The following MATK variants were observed in gnomAD, a reference collection of about 807,000 sequenced individuals.
MATK encodes the protein megakaryocyte-associated tyrosine-protein kinase.
MATK carries 41 observed loss-of-function variants against 59.8 expected under a neutral mutation model. The observed-to-expected ratio is 0.69, with a 90% CI of 0.53 to 0.89. The LOEUF (loss-of-function observed/expected upper bound fraction) is 0.89. Ranked by LOEUF, MATK falls within the 40% of genes least tolerant of loss-of-function variation. The probability of loss-of-function intolerance (pLI) is 0.00; values close to 1 mark genes in which losing one functional copy is unlikely to be tolerated. For synonymous variants in MATK, 308 were observed against 306.1 expected (o/e 1.01, Z -0.06); for missense variants, 593 against 719.6 (o/e 0.82, Z 2.01).
chr19:3,779,170 A>G lies in MATK; in HGVS notation c.1019T>C (p.Met340Thr). ...LQFSLHVAEG[M>T]EYLESKKLVH... ...AAGCTTCTTGCTCTCCAGGTACTCC[A>G]TGCCCTCGGCCACGTGCCTGGGGGT... Residue 340 changes from methionine to threonine, a missense_variant, in exon 12 of 14, where the codon ATG (methionine) becomes ACG (threonine). By Grantham distance (81) the Met-to-Thr change is moderately conservative. Transcript: ENST00000310132. 1.3e-6 allele frequency: 2 copies of G among 1,595,936 alleles called. No homozygotes were observed. The highest frequency in any genetic ancestry group is 2.2e-5 in the East Asian group (1 of 44,484).
Position 3,779,396 on chromosome 19 carries a change from T to A in MATK, c.983A>T (p.Gln328Leu), listed in dbSNP as rs2037365044. The A allele has an allele frequency of 3.1e-6, 5 of 1,613,196 alleles. No homozygotes were observed. In the Admixed American group the frequency reaches 5.0e-5, roughly 16 times the overall value. Residue 328 changes from glutamine (Q) to leucine (L), a missense_variant, in exon 11 of 14, where the codon CAG becomes CTG. By Grantham distance (113) the Gln-to-Leu change is moderately radical. Coordinates refer to ENST00000310132, the MANE Select transcript of MATK (RefSeq NM_139355.3). ...CACTTACAGAGAAAACTGCAGGAGC[T>A]GAGCGGTGTTCACGAGGGCTCGACC... ...TRGRALVNTA[Q>L]LLQFSLHVAE...
In MATK at chr19:3,779,119, T is replaced by G; in HGVS notation, c.1070A>C (p.Asn357Thr). The change falls in exon 12 of 14, where the codon AAC (asparagine) becomes ACC (threonine). Residue 357 changes from asparagine (N) to threonine (T), a missense_variant. Asn to Thr is a moderately conservative substitution (Grantham distance 65). Coordinates refer to ENST00000310132, the MANE Select transcript of MATK (RefSeq NM_139355.3). ...KLVHRDLAARNILVSEDLVAK... is the reference protein window; with the variant it reads ...KLVHRDLAARTILVSEDLVAK... ...CACCAGGTCCTCTGAGACCAGGATG[T>G]TGCGGGCGGCCAGGTCGCGGTGCAC... 6.2e-7 allele frequency: 1 copy of G among 1,610,226 alleles called. No individual in the cohort carries two copies. The highest frequency in any genetic ancestry group is 8.5e-7 in the Non-Finnish European group (1 of 1,179,248).
intron 1 of MATK, among the ~76,000 whole-genome samples, chr19:3,794,975 CTTTTT>C (rs532158792): frequency 5.6e-5 from 6 of 107,914 alleles, no homozygotes; most frequent in African/African-American, 1.1e-4. Context: ...TTTTCTTTTG[CTTTTT>C]TTTTTTTTTT....
intron 1 of MATK, among the ~76,000 whole-genome samples, chr19:3,798,480 C>G (rs2037615185): frequency 6.6e-6 from 1 of 152,102 alleles, no homozygotes; most frequent in Admixed American, 6.6e-5. Context: ...GGTTAGACAT[C>G]TGGGGTTGTG....
At chr19:3,792,509 T>TC (rs2037552530) in intron 1 of MATK, among the ~76,000 whole-genome samples, 1 of 84,934 alleles carries the variant, frequency 1.2e-5, no homozygotes, top group African/African-American at 4.0e-5. Context: ...AATTTCCAAC[T>TC]CTTTTTTTTT....
At chr19:3,784,298 C>A in intron 4 of MATK, 40 bp downstream of exon 4, 1 of 1,592,166 alleles carries the variant, frequency 6.3e-7, no homozygotes, top group Non-Finnish European at 8.6e-7. Context: ...CTGGTGGAGC[C>A]CCCAGCCCCA....
chr19:3,798,273 G>A (rs1234708509), intron 1 of MATK, among the ~76,000 whole-genome samples: 2 of 145,366 alleles, frequency 1.4e-5, no homozygotes, highest in African/African-American at 5.1e-5. Context: ...CTCTTTGTGG[G>A]TTTTGGTCTC....
At chr19:3,783,602 T>C (rs2037432290) in intron 6 of MATK, among the ~76,000 whole-genome samples, 1 of 151,958 alleles carries the variant, frequency 6.6e-6, no homozygotes, top group Non-Finnish European at 1.5e-5. Flanking sequence ...TGGGGGGCCC[T>C]GGGGAATACC....
intron 1 of MATK, among the ~76,000 whole-genome samples, chr19:3,791,507 T>C (rs2145111505): frequency 6.6e-6 from 1 of 152,006 alleles, no homozygotes; most frequent in East Asian, 1.9e-4. Flanking sequence ...CATGCCTGGC[T>C]AATTTTTGTA....
intron 8 of MATK, among the ~76,000 whole-genome samples, chr19:3,780,035 C>T (rs2037377823): frequency 6.6e-6 from 1 of 152,208 alleles, no homozygotes; most frequent in Non-Finnish European, 1.5e-5. Flanking sequence ...AATCCCAGCA[C>T]TTTGGGAGGC....
chr19:3,797,228 C>G (rs2037603487), intron 1 of MATK, among the ~76,000 whole-genome samples: 1 of 111,384 alleles, frequency 9.0e-6, no homozygotes, highest in Non-Finnish European at 2.1e-5. Context: ...TCTTGCCTAC[C>G]TTCCCCCCCA....
rs372838681 is a variant in MATK at position 3,779,400 on chromosome 19, C to A, written c.979G>T (p.Ala327Ser). The A allele has an allele frequency of 6.2e-6, 10 of 1,613,166 alleles. No individual in the cohort carries two copies. In the African/African-American group the frequency reaches 1.1e-4, roughly 17 times the overall value. The stretch of plus-strand genomic sequence containing the variant: ...TACAGAGAAAACTGCAGGAGCTGAG[C>A]GGTGTTCACGAGGGCTCGACCCCGG... ...RTRGRALVNT[A>S]QLLQFSLHVA... Residue 327 changes from alanine to serine, a missense_variant, in exon 11 of 14, where the codon GCT becomes TCT. Physicochemically the swap from Ala to Ser is moderately conservative, Grantham distance 99 (BLOSUM62 1). Coordinates refer to ENST00000310132, the MANE Select transcript of MATK (RefSeq NM_139355.3).
Position 3,786,106 on chromosome 19 carries a change from C to T in MATK, c.-152+63G>A. ...TCCCGGGCCCACCCCCGCCTAGAGC[C>T]CTCGGGGTTTCCCCCCACCCCGGCC... On this transcript the variant is annotated intron_variant, in intron 1 of 13. Coordinates refer to ENST00000310132, the MANE Select transcript of MATK (RefSeq NM_139355.3). This position sits in a 1 kb window ranked among gnomAD's most constrained non-coding sequence, Gnocchi z 4.1. 1 of 728,904 alleles carries T rather than the reference C, an allele frequency of 1.4e-6. No homozygotes were observed. The highest frequency in any genetic ancestry group is 1.7e-6 in the Non-Finnish European group (1 of 595,300). The allele number at this position is 728,904 out of a possible 1,614,324, so 45.2% of individuals were successfully genotyped here. A position where few individuals can be genotyped will look rare whatever the true frequency, so the allele number is the denominator to read the frequency against.
At chr19:3,784,091 C>A in intron 5 of MATK, 33 bp downstream of exon 5, 1 of 1,592,228 alleles carries the variant, frequency 6.3e-7, no homozygotes, top group Non-Finnish European at 8.6e-7. Flanking sequence ...CACTTGCTGT[C>A]CCCTACCCCA....
Position 3,785,192 on chromosome 19 carries a change from C to T in MATK, c.-57G>A, listed in dbSNP as rs1282456980. 2.5e-6 allele frequency: 4 copies of T among 1,611,342 alleles called. No individual in the cohort carries two copies. The highest frequency in any genetic ancestry group is 1.7e-5 in the Admixed American group (1 of 59,756). Reference sequence around the variant, plus strand: ...GGCACACTGAGCAAGTGGTCACAGTCGGGGACGCTGGGAATGGCCTGCCAC... The same window carrying T: ...GGCACACTGAGCAAGTGGTCACAGTTGGGGACGCTGGGAATGGCCTGCCAC... On this transcript the variant is annotated 5_prime_UTR_variant, in exon 2 of 14. Transcript: ENST00000310132.
chr19:3,783,466 A>C (rs1220672298), intron 6 of MATK, among the ~76,000 whole-genome samples: 1 of 151,846 alleles, frequency 6.6e-6, no homozygotes, highest in Non-Finnish European at 1.5e-5. Flanking sequence ...AACCAGGCTG[A>C]CTCAGGCCAC....
chr19:3,786,549 C>T (rs565561503), upstream of MATK: 74 of 309,722 alleles, frequency 2.4e-4, no homozygotes, highest in African/African-American at 1.5e-3. This position sits in a 1 kb window ranked among gnomAD's most constrained non-coding sequence, Gnocchi z 4.1. Flanking sequence ...CCCTGGGAAG[C>T]GGGGTTCTTG....
chr19:3,786,318 G>T lies in MATK; in HGVS notation c.-301C>A, dbSNP rs1303955397. On this transcript the variant is annotated 5_prime_UTR_variant, in exon 1 of 14. Coordinates refer to ENST00000310132, the MANE Select transcript of MATK (RefSeq NM_139355.3). The surrounding 1 kb of genome is among the most constrained non-coding windows in gnomAD (Gnocchi z 4.1). ...TTTGGGGGCGAAGAAGGGTCGGGGA[G>T]TGGGGGAAAGCGGGAGGCGCCGCGG... 2.0e-6 allele frequency: 2 copies of T among 984,658 alleles called. No individual in the cohort carries two copies. Among genetic ancestry groups the T allele is most frequent in the Non-Finnish European group, 2.4e-6 (2 of 829,756 alleles). The allele number at this position is 984,658 out of a possible 1,614,324, so 61.0% of individuals were successfully genotyped here. A position where few individuals can be genotyped will look rare whatever the true frequency, so the allele number is the denominator to read the frequency against.
At chr19:3,786,684 A>C (rs2037490145), upstream of MATK, among the ~76,000 whole-genome samples, 1 of 151,948 alleles carries the variant, frequency 6.6e-6, no homozygotes. This position sits in a 1 kb window ranked among gnomAD's most constrained non-coding sequence, Gnocchi z 4.1. Context: ...CGTACTCTGC[A>C]ATTCCAACTC....
Sources: allele counts gnomAD v4.1 joint callset (sites outside exome capture counted in the v4.1 genomes callset), GRCh38; gene constraint gnomAD v4.1.1; non-coding constraint Gnocchi (gnomAD v3.1); transcripts MANE v1.5; gene names NCBI Gene and HGNC (gene_info 2026-07-23, HGNC 2026-07-21).